Variants in INTS9 observed in about 807,000 individuals in gnomAD.
INTS9 encodes integrator complex subunit 9.
Under a neutral mutation model 79.7 loss-of-function variants are expected in INTS9, and 55 were observed. The ratio of observed to expected loss-of-function variants is 0.69; its 90% CI spans 0.56 to 0.86. INTS9 has a LOEUF of 0.86. Ranked by LOEUF, INTS9 falls within the 40% of genes least tolerant of loss-of-function variation. The probability of loss-of-function intolerance (pLI) is 0.00; values close to 1 mark genes in which losing one functional copy is unlikely to be tolerated. For missense variants in INTS9, 721 were observed against 831.5 expected, an observed-to-expected ratio of 0.87 and a Z score of 1.64; for synonymous variants, 319 against 325.2, an observed-to-expected ratio of 0.98 and a Z score of 0.20.
chr8:28,887,733 A>G (rs1439201077), intron 1 of INTS9, among the ~76,000 whole-genome samples: 1 of 152,210 alleles, frequency 6.6e-6, no homozygotes, highest in African/African-American at 2.4e-5. Flanking sequence ...ACATTTATCT[A>G]TCAACTACCA....
chr8:28,863,013 T>C (rs1808540206), intron 1 of INTS9, among the ~76,000 whole-genome samples: 1 of 152,236 alleles, frequency 6.6e-6, no homozygotes, highest in Non-Finnish European at 1.5e-5. Context: ...GAGGACTAAA[T>C]GAATGGATAC....
Position 28,777,952 on chromosome 8 carries a change from T to C in INTS9, c.1272A>G (p.Glu424=). ...GGGCTTCCAGGTAGGAGAAGTCTGG[T>C]TCTAGGGAAAGTACAAGAAAGAAAT... ...KSSLNTVIFT[E]PDFSYLEALA... Residue 424 remains glutamate, a splice_region_variant and synonymous_variant, in exon 13 of 17, where the codon GAA becomes GAG. Coordinates refer to ENST00000521022, the MANE Select transcript of INTS9 (RefSeq NM_018250.4). 6.2e-7 allele frequency: 1 copy of C among 1,606,024 alleles called. No homozygotes were observed. The highest frequency in any genetic ancestry group is 8.5e-7 in the Non-Finnish European group (1 of 1,176,970).
At chr8:28,795,787 G>A (rs1804183646) in intron 9 of INTS9, among the ~76,000 whole-genome samples, 1 of 152,008 alleles carries the variant, frequency 6.6e-6, no homozygotes, top group African/African-American at 2.4e-5. Context: ...CCAGTCTCCA[G>A]AATTGTGAGA....
chr8:28,885,153 C>T (rs1046461087), intron 1 of INTS9, among the ~76,000 whole-genome samples: 1 of 152,194 alleles, frequency 6.6e-6, no homozygotes, highest in Non-Finnish European at 1.5e-5. Flanking sequence ...AAGTTTGAGC[C>T]AGTAGAAATG....
At chr8:28,798,851 C>A (rs998259867) in intron 8 of INTS9, among the ~76,000 whole-genome samples, 11 of 152,058 alleles carry the variant, frequency 7.2e-5, no homozygotes, top group African/African-American at 2.4e-4. Context: ...GGGCCATGAC[C>A]CCAAAAAGAT....
At chr8:28,820,351 GT>G (rs1805760909) in intron 6 of INTS9, among the ~76,000 whole-genome samples, 1 of 152,142 alleles carries the variant, frequency 6.6e-6, no homozygotes, top group Non-Finnish European at 1.5e-5. Context: ...AGGCCTGGTG[GT>G]GACAAAATCT....
intron 13 of INTS9, 31 bp downstream of exon 13, chr8:28,777,798 A>G (rs1252006885): frequency 6.4e-7 from 1 of 1,572,918 alleles, no homozygotes; most frequent in African/African-American, 1.4e-5. Context: ...TGACATGACT[A>G]CGTGAAGGCA....
intron 4 of INTS9, among the ~76,000 whole-genome samples, chr8:28,838,758 T>G (rs924388400): frequency 6.6e-6 from 1 of 152,144 alleles, no homozygotes; most frequent in Non-Finnish European, 1.5e-5. Flanking sequence ...CGGCCTCAAG[T>G]GATCTGCCTG....
chr8:28,787,935 G>A (rs1803709853), intron 10 of INTS9, 46 bp from the exon 11 acceptor site: 1 of 1,416,344 alleles, frequency 7.1e-7, no homozygotes, highest in African/African-American at 1.4e-5. Flanking sequence ...AGAGCATACG[G>A]TGGCATCTGT....
chr8:28,776,025 G>GCTCA (rs1802857335), intron 13 of INTS9, 99 bp from the exon 14 acceptor site: 1 of 935,472 alleles, frequency 1.1e-6, no homozygotes, highest in East Asian at 3.0e-5. Context: ...GCCATTACAG[G>GCTCA]CTCACCACTT....
intron 8 of INTS9, among the ~76,000 whole-genome samples, chr8:28,811,423 CT>C (rs34423764): frequency 0.2 from 29,645 of 144,638 alleles, 3,274 homozygotes; most frequent in East Asian, 0.46. Context: ...CATACCCGGC[CT>C]TTTTTTTTTT....
intron 10 of INTS9, among the ~76,000 whole-genome samples, chr8:28,788,532 C>G (rs971872145): frequency 5.9e-5 from 9 of 152,190 alleles, no homozygotes; most frequent in African/African-American, 2.2e-4. Context: ...GGTTCTCCTG[C>G]CAAAGCCTCC....
chr8:28,843,026 G>A (rs1416495273), intron 4 of INTS9, among the ~76,000 whole-genome samples: 1 of 152,152 alleles, frequency 6.6e-6, no homozygotes, highest in African/African-American at 2.4e-5. Context: ...ATGGGATTAT[G>A]GGTGGCCAAG....
intron 13 of INTS9, 30 bp from the exon 14 acceptor site, chr8:28,775,956 GT>G (rs1221854067): frequency 6.6e-7 from 1 of 1,512,866 alleles, no homozygotes; most frequent in African/African-American, 1.4e-5. Flanking sequence ...GTTGAGAAAG[GT>G]GGTGTGAAGT....
At chr8:28,770,390 G>A (rs983267172) in intron 15 of INTS9, among the ~76,000 whole-genome samples, 1 of 152,218 alleles carries the variant, frequency 6.6e-6, no homozygotes, top group African/African-American at 2.4e-5. Flanking sequence ...TGTGGGGTCA[G>A]ACCAAAGGGG....
intron 2 of INTS9, among the ~76,000 whole-genome samples, chr8:28,854,468 G>T (rs1808033822): frequency 6.6e-6 from 1 of 152,126 alleles, no homozygotes; most frequent in South Asian, 2.1e-4. Context: ...CAGAAAACAG[G>T]AGTTAGGAAG....
In INTS9 at chr8:28,768,071, C is replaced by T. The variant is rs1802310882; in HGVS notation, c.*75G>A. Reference sequence around the variant, plus strand: ...AAGACACAGTTAATGGCCTCTCATGCCACTCCTCAGGTGGCTTGTGAGGGC... The same window carrying T: ...AAGACACAGTTAATGGCCTCTCATGTCACTCCTCAGGTGGCTTGTGAGGGC... On this transcript the variant is annotated 3_prime_UTR_variant, in exon 17 of 17. Coordinates refer to ENST00000521022, the MANE Select transcript of INTS9 (RefSeq NM_018250.4). The T allele has an allele frequency of 7.2e-7, 1 of 1,386,140 alleles. No individual in the cohort carries two copies. Among genetic ancestry groups the T allele is most frequent in the Non-Finnish European group, 1.0e-6 (1 of 981,428 alleles). The allele number at this position is 1,386,140 out of a possible 1,614,324, so 85.9% of individuals were successfully genotyped here. A position where few individuals can be genotyped will look rare whatever the true frequency, so the allele number is the denominator to read the frequency against.
chr8:28,796,791 A>G (rs533087433), intron 8 of INTS9, 136 bp from the exon 9 acceptor site: 92 of 660,760 alleles, frequency 1.4e-4, no homozygotes, highest in Non-Finnish European at 2.1e-4. Flanking sequence ...TCTCTAAGGA[A>G]TAGTCTGTCC....
intron 2 of INTS9, among the ~76,000 whole-genome samples, chr8:28,856,127 A>T (rs1398538287): frequency 1.3e-5 from 2 of 152,240 alleles, no homozygotes; most frequent in Non-Finnish European, 2.9e-5. Flanking sequence ...AGGAGGCTTT[A>T]GTAATGATAC....
Sources: gnomAD v4.1 joint callset for allele counts (sites outside exome capture counted in the v4.1 genomes callset) on GRCh38, gnomAD v4.1.1 for gene constraint, MANE v1.5 for transcripts, NCBI Gene and HGNC (gene_info 2026-07-23, HGNC 2026-07-21) for gene names.